Variants in RIMS1 observed in about 807,000 individuals in gnomAD.
RIMS1 encodes the protein regulating synaptic membrane exocytosis protein 1.
RIMS1 carries 83 observed loss-of-function variants against 214.1 expected under a neutral mutation model. The ratio of observed to expected loss-of-function variants is 0.39; its 90% CI spans 0.32 to 0.47. The LOEUF (loss-of-function observed/expected upper bound fraction) is 0.47, where lower values mean the gene tolerates loss of function less well. Among genes scored for constraint, RIMS1 ranks in the 20% least tolerant of loss-of-function variants. RIMS1 has a pLI of 0.99. For missense variants in RIMS1, 2,050 were observed against 2,161.8 expected, an observed-to-expected ratio of 0.95 and a Z score of 1.03; for synonymous variants, 793 against 786.8, an observed-to-expected ratio of 1.01 and a Z score of -0.13.
chr6:71,945,254 CAGAA>C (rs945040256), intron 1 of RIMS1, among the ~76,000 whole-genome samples: 4 of 152,084 alleles, frequency 2.6e-5, no homozygotes, highest in African/African-American at 9.7e-5. Context: ...TTCTGAAAGA[CAGAA>C]AGACAGCTAT....
intron 28 of RIMS1, among the ~76,000 whole-genome samples, chr6:72,314,554 C>T (rs532401614): frequency 6.6e-6 from 1 of 152,248 alleles, no homozygotes; most frequent in African/African-American, 2.4e-5. Context: ...ATTTCATACT[C>T]TGATAATCTA....
chr6:72,196,338 A>G (rs2050865684), intron 6 of RIMS1, among the ~76,000 whole-genome samples: 1 of 149,518 alleles, frequency 6.7e-6, no homozygotes, highest in Admixed American at 6.7e-5. Context: ...TGCAAGGACC[A>G]TGGCTATTTC....
chr6:72,136,528 T>C (rs1489252637), intron 4 of RIMS1, among the ~76,000 whole-genome samples: 1 of 152,108 alleles, frequency 6.6e-6, no homozygotes, highest in African/African-American at 2.4e-5. Flanking sequence ...GAAACAAACA[T>C]AAATTTTTGA....
intron 7 of RIMS1, among the ~76,000 whole-genome samples, chr6:72,234,439 G>A (rs943359797): frequency 6.6e-6 from 1 of 151,858 alleles, no homozygotes; most frequent in Non-Finnish European, 1.5e-5. Context: ...GAAAAATTGA[G>A]GAGAAAGTAC....
At chr6:72,006,886 C>G (rs189842375) in intron 2 of RIMS1, among the ~76,000 whole-genome samples, 8 of 152,348 alleles carry the variant, frequency 5.3e-5, no homozygotes, top group Admixed American at 5.2e-4. Context: ...TTTGTAGACT[C>G]CACCTCTGGG....
At chr6:72,283,988 TATG>T in intron 23 of RIMS1, 56 bp from the exon 24 acceptor site, 2 of 1,326,450 alleles carry the variant, frequency 1.5e-6, no homozygotes, top group South Asian at 2.4e-5. Flanking sequence ...TTTATCATTG[TATG>T]ATGTTAATGT....
chr6:72,165,286 T>C (rs1179822171), intron 4 of RIMS1, among the ~76,000 whole-genome samples: 1 of 152,212 alleles, frequency 6.6e-6, no homozygotes, highest in East Asian at 1.9e-4. Context: ...TAAGTTCATT[T>C]AATGTTTAGT....
At chr6:72,036,515 C>T (rs1268469729) in intron 2 of RIMS1, among the ~76,000 whole-genome samples, 2 of 152,136 alleles carry the variant, frequency 1.3e-5, no homozygotes, top group East Asian at 1.9e-4. Flanking sequence ...GAAACTTATA[C>T]CAAAGCCTAC....
rs547195923 is a variant in RIMS1 at position 71,972,452 on chromosome 6, C to T, written c.245+3389C>T. 9.2e-5 allele frequency among the ~76,000 whole-genome samples: 14 copies of T among 152,234 alleles called. No individual in the cohort carries two copies. The East Asian group carries it at 2.7e-3, about 29-fold the overall frequency. On this transcript the variant is annotated intron_variant, in intron 2 of 33. Transcript: ENST00000521978. Reference sequence around the variant, plus strand: ...AGAGACAGGAAGCAGGGTGATAGTACTCATATCACTTGGTGTATTCTATTA... The same window carrying T: ...AGAGACAGGAAGCAGGGTGATAGTATTCATATCACTTGGTGTATTCTATTA...
rs16882353 is a variant in RIMS1, at chr6:72,379,539, G to C, written c.4367-11059G>C. Among the ~76,000 whole-genome samples, 1,034 of 152,284 alleles carry C rather than the reference G, an allele frequency of 6.8e-3. 6 individuals carry two copies. Among genetic ancestry groups the C allele is most frequent in the Middle Eastern group, 0.024 (7 of 294 alleles). ...GCATTTGGAATTAAATGTGAGGCCC[G>C]GAAAGAACATGTGCTTTGAATGGAG... On this transcript the variant is annotated intron_variant, in intron 29 of 33. Coordinates refer to ENST00000521978, the MANE Select transcript of RIMS1 (RefSeq NM_014989.7).
chr6:72,172,838 T>G (rs1302199982), intron 4 of RIMS1, among the ~76,000 whole-genome samples: 2 of 152,166 alleles, frequency 1.3e-5, no homozygotes, highest in African/African-American at 4.8e-5. Context: ...TGTCTTCTGG[T>G]TTATTTAATT....
intron 6 of RIMS1, among the ~76,000 whole-genome samples, chr6:72,218,523 T>G (rs567226580): frequency 6.6e-6 from 1 of 152,288 alleles, no homozygotes; most frequent in South Asian, 2.1e-4. Flanking sequence ...CAAATACTAG[T>G]TAATGTTTGT....
At chr6:72,016,310 C>T (rs1812743323) in intron 2 of RIMS1, among the ~76,000 whole-genome samples, 1 of 152,056 alleles carries the variant, frequency 6.6e-6, no homozygotes, top group Admixed American at 6.6e-5. Context: ...TTTTTACTCT[C>T]CATTTCATTT....
chr6:72,124,939 G>A (rs764440037), intron 4 of RIMS1, among the ~76,000 whole-genome samples: 1 of 151,906 alleles, frequency 6.6e-6, no homozygotes, highest in African/African-American at 2.4e-5. Flanking sequence ...CCTTTAGCTC[G>A]AAGAAGTTTG....
chr6:71,901,589 T>C (rs1773629686), intron 1 of RIMS1, among the ~76,000 whole-genome samples: 1 of 152,108 alleles, frequency 6.6e-6, no homozygotes, highest in Admixed American at 6.6e-5. Context: ...GTGGTGGATA[T>C]GAGATTGGTA....
At chr6:72,218,990 T>C (rs1357849155) in intron 6 of RIMS1, among the ~76,000 whole-genome samples, 1 of 152,188 alleles carries the variant, frequency 6.6e-6, no homozygotes, top group African/African-American at 2.4e-5. Flanking sequence ...GATATTTTCA[T>C]TTTGAAGTAT....
chr6:72,141,876 T>A (rs2042120178), intron 4 of RIMS1, among the ~76,000 whole-genome samples: 1 of 152,036 alleles, frequency 6.6e-6, no homozygotes, highest in African/African-American at 2.4e-5. Context: ...CTAAATGTAG[T>A]TTCCTTTCCT....
intron 29 of RIMS1, among the ~76,000 whole-genome samples, chr6:72,354,242 CAAAT>C (rs1468685241): frequency 3.3e-5 from 5 of 149,360 alleles, no homozygotes; most frequent in Admixed American, 2.0e-4. Context: ...AACAAACAAA[CAAAT>C]AAATAAAACC....
intron 1 of RIMS1, among the ~76,000 whole-genome samples, chr6:71,922,871 G>A (rs1780440253): frequency 6.6e-6 from 1 of 152,136 alleles, no homozygotes. Context: ...GTAATTTCTT[G>A]TGCTCAATAG....
Sources: allele counts gnomAD v4.1 joint callset (sites outside exome capture counted in the v4.1 genomes callset), GRCh38; gene constraint gnomAD v4.1.1; transcripts MANE v1.5; gene names NCBI Gene and HGNC (gene_info 2026-07-23, HGNC 2026-07-21).